The following GABRB1 variants were observed in gnomAD, a reference collection of about 807,000 sequenced individuals.
GABRB1 encodes gamma-aminobutyric acid receptor subunit beta-1.
A neutral mutation model predicts 51.6 loss-of-function variants in GABRB1; 17 were observed. The observed-to-expected ratio is 0.33, with a 90% CI of 0.23 to 0.49. The LOEUF is 0.49. GABRB1 is among the 20% of genes least tolerant of loss of function. The pLI, the probability that GABRB1 is intolerant of heterozygous loss-of-function variation, is 0.99. For missense variants in GABRB1, 410 were observed against 600.6 expected, an observed-to-expected ratio of 0.68 and a Z score of 3.32; for synonymous variants, 247 against 218.9, an observed-to-expected ratio of 1.13 and a Z score of -1.14.
intron 5 of GABRB1, among the ~76,000 whole-genome samples, chr4:47,399,456 T>A (rs1055112994): frequency 2.5e-4 from 38 of 151,350 alleles, no homozygotes; most frequent in Admixed American, 2.4e-3. Context: ...TGATTTTCTG[T>A]GCCTCCTTAT....
intron 3 of GABRB1, among the ~76,000 whole-genome samples, chr4:47,129,192 T>C (rs1716300920): frequency 1.3e-5 from 2 of 152,110 alleles, no homozygotes; most frequent in Admixed American, 1.3e-4. Flanking sequence ...AGCTAATATA[T>C]TGCACAATCT....
intron 4 of GABRB1, among the ~76,000 whole-genome samples, chr4:47,229,338 C>T (rs187806058): frequency 1.4e-3 from 211 of 152,078 alleles, no homozygotes; most frequent in African/African-American, 2.4e-4. Context: ...TGTATGACAA[C>T]GAAAGATAAT....
intron 4 of GABRB1, among the ~76,000 whole-genome samples, chr4:47,279,198 A>C (rs971548339): frequency 1.3e-5 from 2 of 152,106 alleles, no homozygotes; most frequent in African/African-American, 4.8e-5. Context: ...ACATCAAGTC[A>C]CTTCTCTTAA....
chr4:47,040,348 G>A (rs1433558464), intron 3 of GABRB1, among the ~76,000 whole-genome samples: 1 of 152,192 alleles, frequency 6.6e-6, no homozygotes, highest in African/African-American at 2.4e-5. Context: ...TCAAGGTCCA[G>A]ATGAGAGGTG....
chr4:47,402,075 A>C (rs1426052862), intron 5 of GABRB1, among the ~76,000 whole-genome samples: 1 of 152,220 alleles, frequency 6.6e-6, no homozygotes, highest in Non-Finnish European at 1.5e-5. Flanking sequence ...TATATCTGGA[A>C]GCCAGTTTAA....
chr4:47,212,600 G>A (rs1720405191), intron 4 of GABRB1, among the ~76,000 whole-genome samples: 2 of 151,994 alleles, frequency 1.3e-5, no homozygotes, highest in Non-Finnish European at 2.9e-5. Flanking sequence ...AATTGCTTGG[G>A]CCTGGTAGGT....
intron 5 of GABRB1, among the ~76,000 whole-genome samples, chr4:47,350,196 T>C (rs1483112007): frequency 4.4e-5 from 3 of 68,364 alleles, no homozygotes; most frequent in South Asian, 1.0e-3. Context: ...TATATATATA[T>C]ATATATATAT....
At chr4:47,189,459 T>C (rs528477539) in intron 4 of GABRB1, among the ~76,000 whole-genome samples, 1 of 151,654 alleles carries the variant, frequency 6.6e-6, no homozygotes, top group South Asian at 2.1e-4. Context: ...GAATATGAGA[T>C]GATAGAATAT....
intron 4 of GABRB1, among the ~76,000 whole-genome samples, chr4:47,293,332 G>T (rs1211722880): frequency 2.6e-5 from 4 of 152,048 alleles, no homozygotes; most frequent in Admixed American, 6.6e-5. Context: ...TAGAGATGGG[G>T]TTTCTCCATG....
rs1173310300 is a variant in GABRB1 at position 47,257,550 on chromosome 4, G to A, written c.462-62577G>A. Among the ~76,000 whole-genome samples, 7 of 152,048 alleles carry A rather than the reference G, an allele frequency of 4.6e-5. No individual in the cohort carries two copies. In the East Asian group the frequency reaches 1.4e-3, roughly 29 times the overall value. Reference sequence around the variant, plus strand: ...TCCTAGAGCCTGCTGTGTGTGGGGTGGGTGTAGGGAGGGAGGGTGGATTGG... The same window carrying A: ...TCCTAGAGCCTGCTGTGTGTGGGGTAGGTGTAGGGAGGGAGGGTGGATTGG... On this transcript the variant is annotated intron_variant, in intron 4 of 8. Transcript: ENST00000295454.
intron 1 of GABRB1, among the ~76,000 whole-genome samples, chr4:47,010,019 C>G (rs13111327): frequency 0.68 from 102,767 of 152,052 alleles, 35,128 homozygotes; most frequent in South Asian, 0.79. Flanking sequence ...TGCAGATAAA[C>G]TTTACCTACC....
chr4:47,069,416 G>A (rs1384934209), intron 3 of GABRB1, among the ~76,000 whole-genome samples: 2 of 151,948 alleles, frequency 1.3e-5, no homozygotes, highest in African/African-American at 2.4e-5. Context: ...CAAATATTTT[G>A]CCAGAGTTTC....
chr4:47,192,514 C>T (rs1719477897), intron 4 of GABRB1, among the ~76,000 whole-genome samples: 1 of 152,112 alleles, frequency 6.6e-6, no homozygotes, highest in African/African-American at 2.4e-5. Context: ...GCTGTTATAT[C>T]ATTAATTGTT....
At chr4:47,327,918 G>C (rs1725315221) in intron 5 of GABRB1, among the ~76,000 whole-genome samples, 1 of 152,164 alleles carries the variant, frequency 6.6e-6, no homozygotes, top group African/African-American at 2.4e-5. Context: ...CTAGTTTACA[G>C]TCCCACCAAC....
chr4:47,405,701 TGTAA>T (rs1366487074), intron 7 of GABRB1, among the ~76,000 whole-genome samples: 2 of 152,192 alleles, frequency 1.3e-5, no homozygotes, highest in African/African-American at 2.4e-5. Context: ...AATTTATAAC[TGTAA>T]GTGTTTAAAA....
At chr4:47,069,378 G>A (rs1255582985) in intron 3 of GABRB1, among the ~76,000 whole-genome samples, 1 of 152,068 alleles carries the variant, frequency 6.6e-6, no homozygotes, top group Non-Finnish European at 1.5e-5. Context: ...TTGCCATTCT[G>A]TTCAGTCCTC....
intron 4 of GABRB1, among the ~76,000 whole-genome samples, chr4:47,318,139 AAATT>A (rs1724954568): frequency 6.6e-6 from 1 of 151,974 alleles, no homozygotes; most frequent in South Asian, 2.1e-4. Flanking sequence ...TGCATTAATT[AAATT>A]ATCTTTTTGC....
At chr4:47,141,267 G>A (rs1716921982) in intron 3 of GABRB1, among the ~76,000 whole-genome samples, 1 of 151,910 alleles carries the variant, frequency 6.6e-6, no homozygotes, top group South Asian at 2.1e-4. Context: ...CCGTCCATCA[G>A]CCTGCTTCAT....
chr4:47,289,266 C>T (rs536154893), intron 4 of GABRB1, among the ~76,000 whole-genome samples: 43 of 152,112 alleles, frequency 2.8e-4, no homozygotes, highest in African/African-American at 9.9e-4. Flanking sequence ...TTTTTGTTTC[C>T]GTTTTGAACC....
Sources: gnomAD v4.1 joint callset for allele counts (sites outside exome capture counted in the v4.1 genomes callset) on GRCh38, gnomAD v4.1.1 for gene constraint, MANE v1.5 for transcripts, NCBI Gene and HGNC (gene_info 2026-07-23, HGNC 2026-07-21) for gene names.